ARNT: variants seen among roughly 807,000 people sequenced by gnomAD.
ARNT encodes the protein class E basic helix-loop-helix protein 2.
Under a neutral mutation model 105.0 loss-of-function variants are expected in ARNT, and 30 were observed. The observed-to-expected ratio is 0.29, with a 90% CI of 0.21 to 0.39. The LOEUF (loss-of-function observed/expected upper bound fraction) is 0.39. Among genes scored for constraint, ARNT ranks in the 10% least tolerant of loss-of-function variants. The probability of loss-of-function intolerance (pLI) is 1.00; values close to 1 mark genes in which losing one functional copy is unlikely to be tolerated. For missense variants in ARNT, 748 were observed against 978.7 expected, an observed-to-expected ratio of 0.76 and a Z score of 3.15; for synonymous variants, 304 against 344.0, an observed-to-expected ratio of 0.88 and a Z score of 1.29.
chr1:150,815,339 G>C (rs1655603877), intron 19 of ARNT, among the ~76,000 whole-genome samples: 3 of 151,776 alleles, frequency 2.0e-5, no homozygotes, highest in South Asian at 2.1e-4. Flanking sequence ...ACGAGGTCAA[G>C]AGATCAAGAC....
chr1:150,867,887 G>A (rs903636924), intron 1 of ARNT, among the ~76,000 whole-genome samples: 11 of 151,958 alleles, frequency 7.2e-5, no homozygotes, highest in South Asian at 6.2e-4. Flanking sequence ...CTTCCCCTTC[G>A]CCTTCCGCCA....
chr1:150,852,401 C>A (rs1663796302), intron 3 of ARNT, among the ~76,000 whole-genome samples: 1 of 152,114 alleles, frequency 6.6e-6, no homozygotes, highest in Non-Finnish European at 1.5e-5. Flanking sequence ...CCAGCTGAGT[C>A]CAGTTCTCAG....
At chr1:150,845,911 A>G (rs764014521) in intron 4 of ARNT, among the ~76,000 whole-genome samples, 6 of 152,192 alleles carry the variant, frequency 3.9e-5, no homozygotes, top group Admixed American at 1.3e-4. Flanking sequence ...CAAAATAAAT[A>G]AATTAATTAC....
intron 6 of ARNT, 65 bp downstream of exon 6, chr1:150,839,376 A>G: frequency 6.4e-7 from 1 of 1,569,256 alleles, no homozygotes; most frequent in Non-Finnish European, 8.7e-7. Context: ...CTTGTCCAAA[A>G]AACGAAAACT....
intron 7 of ARNT, among the ~76,000 whole-genome samples, chr1:150,835,796 G>T (rs1262098924): frequency 1.4e-5 from 2 of 146,746 alleles, no homozygotes; most frequent in East Asian, 4.0e-4. Context: ...TAAAATAGGG[G>T]AGAAAAAAAG....
intron 3 of ARNT, among the ~76,000 whole-genome samples, chr1:150,851,335 G>A (rs1365353918): frequency 9.2e-5 from 14 of 152,206 alleles, no homozygotes; most frequent in African/African-American, 2.9e-4. Context: ...CCCTCTGCCC[G>A]GCCGCCACCC....
intron 1 of ARNT, chr1:150,861,147 T>C (rs1438108132): frequency 4.9e-6 from 1 of 202,980 alleles, no homozygotes; most frequent in African/African-American, 2.4e-5. Flanking sequence ...AAAACCCTTA[T>C]GCACTGCTAG....
intron 13 of ARNT, among the ~76,000 whole-genome samples, chr1:150,825,970 G>A (rs1658155481): frequency 6.6e-6 from 1 of 151,334 alleles, no homozygotes. Context: ...CTAGAGTACA[G>A]TGGCATGATC....
chr1:150,814,649 C>T (rs1180205090), intron 19 of ARNT, among the ~76,000 whole-genome samples: 2 of 152,058 alleles, frequency 1.3e-5, no homozygotes, highest in African/African-American at 2.4e-5. Context: ...CCAGACCAGC[C>T]GGGCCAACAT....
intron 12 of ARNT, among the ~76,000 whole-genome samples, chr1:150,827,532 A>AT (rs1658518147): frequency 6.6e-6 from 1 of 152,238 alleles, no homozygotes; most frequent in Non-Finnish European, 1.5e-5. Flanking sequence ...GCTCAGTAGT[A>AT]TTCTCACATG....
chr1:150,823,364 C>T lies in ARNT; in HGVS notation c.1243-19G>A. On this transcript the variant is annotated intron_variant, in intron 13 of 21. Coordinates refer to ENST00000358595, the MANE Select transcript of ARNT (RefSeq NM_001668.4). ...TCACTACCTGAAAAAGTTTTCATGC[C>T]ATCAGTGGAACTCATAGAAAATTTT... 6.4e-7 allele frequency: 1 copy of T among 1,573,566 alleles called. No homozygotes were observed. Among genetic ancestry groups the T allele is most frequent in the East Asian group, 2.3e-5 (1 of 44,174 alleles).
intron 21 of ARNT, chr1:150,812,582 T>C (rs1654958037): frequency 6.5e-6 from 1 of 153,012 alleles, no homozygotes; most frequent in Non-Finnish European, 1.5e-5. Flanking sequence ...TCATTTACTT[T>C]TTATAATTTT....
intron 7 of ARNT, among the ~76,000 whole-genome samples, chr1:150,835,441 A>G (rs1234240861): frequency 6.6e-6 from 1 of 152,110 alleles, no homozygotes; most frequent in East Asian, 1.9e-4. Flanking sequence ...TGTCTCTACA[A>G]AAAATTTAAA....
In ARNT at chr1:150,810,272, A is replaced by G. The variant is rs1244306553; in HGVS notation, c.*1749T>C. 4.3e-6 allele frequency: 1 copy of G among 230,986 alleles called. No homozygotes were observed. Among genetic ancestry groups the G allele is most frequent in the East Asian group, 6.1e-5 (1 of 16,388 alleles). 14.3% of individuals were successfully genotyped at this position (230,986 alleles called of 1,614,324 possible). On this transcript the variant is annotated 3_prime_UTR_variant, in exon 22 of 22. Coordinates refer to ENST00000358595, the MANE Select transcript of ARNT (RefSeq NM_001668.4). ...AAAACCCCCAGAGCATCTTCTCGCT[A>G]TCCTCCCCTTCCCCAAAAGCCCTAT...
At chr1:150,837,275 G>A (rs1309610637) in intron 6 of ARNT, among the ~76,000 whole-genome samples, 2 of 152,040 alleles carry the variant, frequency 1.3e-5, no homozygotes, top group African/African-American at 2.4e-5. Flanking sequence ...CTTATACTAA[G>A]AATAATGTTA....
intron 1 of ARNT, among the ~76,000 whole-genome samples, chr1:150,875,257 T>G (rs587709218): frequency 6.6e-6 from 1 of 152,136 alleles, no homozygotes; most frequent in East Asian, 1.9e-4. Flanking sequence ...CTCCCTTTCC[T>G]TCAAAAAAAA....
intron 5 of ARNT, among the ~76,000 whole-genome samples, chr1:150,841,832 T>C (rs1661351281): frequency 6.6e-6 from 1 of 152,240 alleles, no homozygotes; most frequent in Non-Finnish European, 1.5e-5. Context: ...ATCTGACAGA[T>C]TTCTGACACG....
At position 150,826,537 on chromosome 1, in the gene ARNT, A is replaced by T. The variant is rs1185243815; in HGVS notation, c.1242+6T>A. 3.1e-6 allele frequency: 5 copies of T among 1,608,720 alleles called. No homozygotes were observed. The highest frequency in any genetic ancestry group is 4.3e-6 in the Non-Finnish European group (5 of 1,175,868). The stretch of plus-strand genomic sequence containing the variant: ...TTATTCAGAACCAAACCAGGAAAAA[A>T]GTTACCTGTTGGAAGCTGTCTCTTA... On this transcript the variant is annotated splice_donor_region_variant and intron_variant, in intron 13 of 21. Coordinates refer to ENST00000358595, the MANE Select transcript of ARNT (RefSeq NM_001668.4).
chr1:150,869,792 A>T (rs994494171), intron 1 of ARNT, among the ~76,000 whole-genome samples: 1 of 151,864 alleles, frequency 6.6e-6, no homozygotes, highest in Admixed American at 6.6e-5. Context: ...GGCTTAAACA[A>T]TCCTCTCACC....
Sources: gnomAD v4.1 joint callset for allele counts (sites outside exome capture counted in the v4.1 genomes callset) on GRCh38, gnomAD v4.1.1 for gene constraint, MANE v1.5 for transcripts, NCBI Gene and HGNC (gene_info 2026-07-23, HGNC 2026-07-21) for gene names.